Variants in FAM13A observed in about 807,000 individuals in gnomAD.
FAM13A encodes protein FAM13A.
Under a neutral mutation model 129.6 loss-of-function variants are expected in FAM13A, and 76 were observed. The observed-to-expected ratio is 0.59, with a 90% confidence interval of 0.49 to 0.71. The LOEUF (loss-of-function observed/expected upper bound fraction) is 0.71. Among genes scored for constraint, FAM13A ranks in the 30% least tolerant of loss-of-function variants. The pLI is 0.00. For missense variants in FAM13A, 1,108 were observed against 1,249.3 expected (o/e 0.89, Z 1.70); for synonymous variants, 443 against 449.9 (o/e 0.98, Z 0.20).
chr4:89,028,324 C>T (rs1360574836), intron 2 of FAM13A, among the ~76,000 whole-genome samples: 1 of 151,672 alleles, frequency 6.6e-6, no homozygotes, highest in African/African-American at 2.4e-5. Context: ...GAAAACCAAA[C>T]CATGCATAAG....
At chr4:88,965,407 G>A (rs964275221) in intron 4 of FAM13A, among the ~76,000 whole-genome samples, 1 of 152,086 alleles carries the variant, frequency 6.6e-6, no homozygotes, top group Non-Finnish European at 1.5e-5. Flanking sequence ...ACAAAGGTCA[G>A]ACATCGGGAC....
intron 7 of FAM13A, among the ~76,000 whole-genome samples, chr4:88,842,457 T>C (rs1735996556): frequency 2.0e-5 from 3 of 152,252 alleles, no homozygotes; most frequent in Admixed American, 2.0e-4. Context: ...CAAATCCTCT[T>C]TGCTTTTACA....
intron 6 of FAM13A, among the ~76,000 whole-genome samples, chr4:88,900,590 C>T (rs1747133828): frequency 6.6e-6 from 1 of 152,110 alleles, no homozygotes; most frequent in Admixed American, 6.6e-5. Context: ...TGCAGACAAG[C>T]AAATTCCAAG....
intron 1 of FAM13A, chr4:89,029,903 C>T (rs1768466266): frequency 1.5e-5 from 7 of 452,084 alleles, no homozygotes; most frequent in South Asian, 8.2e-5. Flanking sequence ...AATACACTGC[C>T]GTATCTAAGA....
intron 11 of FAM13A, among the ~76,000 whole-genome samples, chr4:88,772,451 A>C (rs1309692176): frequency 2.6e-5 from 4 of 152,188 alleles, no homozygotes; most frequent in Non-Finnish European, 5.9e-5. Context: ...CAGCAACAAT[A>C]CATTTCCCAG....
chr4:88,942,248 G>A (rs140990796), intron 4 of FAM13A, among the ~76,000 whole-genome samples: 18 of 152,284 alleles, frequency 1.2e-4, no homozygotes, highest in African/African-American at 4.1e-4. Context: ...GAGAGAATGG[G>A]ATTGTTATTC....
chr4:88,963,613 T>C (rs1200372429), intron 4 of FAM13A, among the ~76,000 whole-genome samples: 1 of 152,160 alleles, frequency 6.6e-6, no homozygotes, highest in Non-Finnish European at 1.5e-5. Context: ...GAAATCTTTT[T>C]AGTAGGGATG....
intron 7 of FAM13A, among the ~76,000 whole-genome samples, chr4:88,848,449 C>T (rs1275167137): frequency 6.6e-6 from 1 of 152,124 alleles, no homozygotes; most frequent in South Asian, 2.1e-4. Flanking sequence ...ATTTAAAAAC[C>T]CCAGATGAAA....
chr4:88,939,101 A>G (rs1442806873), intron 4 of FAM13A, among the ~76,000 whole-genome samples: 2 of 152,230 alleles, frequency 1.3e-5, no homozygotes, highest in East Asian at 1.9e-4. Flanking sequence ...ACAAATTACC[A>G]TAAACTAAGT....
chr4:88,839,323 AAAAG>A (rs1427657424), intron 7 of FAM13A, among the ~76,000 whole-genome samples: 6 of 152,252 alleles, frequency 3.9e-5, no homozygotes, highest in African/African-American at 1.4e-4. Flanking sequence ...TTATAAAAAT[AAAAG>A]CCAAACCTTA....
At chr4:88,839,342 T>A (rs1283209564) in intron 7 of FAM13A, among the ~76,000 whole-genome samples, 1 of 152,310 alleles carries the variant, frequency 6.6e-6, no homozygotes, top group Non-Finnish European at 1.5e-5. Context: ...ACCTTATTTT[T>A]AAAAATAAAG....
chr4:88,945,752 C>T (rs1273809529), intron 4 of FAM13A, among the ~76,000 whole-genome samples: 2 of 130,472 alleles, frequency 1.5e-5, no homozygotes, highest in Non-Finnish European at 3.2e-5. Flanking sequence ...ATTGCAACCA[C>T]TATTAGTATA....
chr4:89,051,801 C>G (rs59385067), intron 1 of FAM13A, among the ~76,000 whole-genome samples: 51,446 of 152,020 alleles, frequency 0.34, 9,206 homozygotes, highest in Middle Eastern at 0.47. Context: ...TGAAAAAAAT[C>G]CAAAACCCAA....
At chr4:88,956,748 T>C (rs1757808196) in intron 4 of FAM13A, among the ~76,000 whole-genome samples, 1 of 152,158 alleles carries the variant, frequency 6.6e-6, no homozygotes, top group Non-Finnish European at 1.5e-5. Context: ...CTTTCTAGCT[T>C]CTAGAGATCT....
At chr4:88,732,226 A>G in intron 21 of FAM13A, 28 bp from the exon 22 acceptor site, 1 of 1,545,436 alleles carries the variant, frequency 6.5e-7, no homozygotes, top group Non-Finnish European at 8.8e-7. Flanking sequence ...CCCCAATAAA[A>G]ATCTGGTCAC....
chr4:88,871,475 T>C (rs144585857), intron 6 of FAM13A, among the ~76,000 whole-genome samples: 1,913 of 152,258 alleles, frequency 0.013, 35 homozygotes, highest in African/African-American at 0.04. Context: ...CTGAAAACCA[T>C]GGCACAAGAA....
chr4:88,992,860 T>G (rs1307179152), intron 3 of FAM13A, among the ~76,000 whole-genome samples: 1 of 152,214 alleles, frequency 6.6e-6, no homozygotes, highest in African/African-American at 2.4e-5. Flanking sequence ...AATAAAAATG[T>G]AATTCAGTTA....
chr4:88,878,699 G>C (rs2150114989), intron 6 of FAM13A, among the ~76,000 whole-genome samples: 1 of 152,252 alleles, frequency 6.6e-6, no homozygotes, highest in African/African-American at 2.4e-5. Context: ...ACAATATTTA[G>C]TGATTGCCTT....
In FAM13A at chr4:88,826,312, TAAAA is replaced by T. The variant is rs35488589; in HGVS notation, c.1008-21264_1008-21261del. Among the ~76,000 whole-genome samples, 573 of 138,938 alleles carry T rather than the reference TAAAA, an allele frequency of 4.1e-3. 6 individuals carry two copies. The highest frequency in any genetic ancestry group is 0.012 in the African/African-American group (460 of 38,170). 91.1% of individuals were successfully genotyped at this position (138,938 alleles called of 152,430 possible). Reference sequence around the variant, plus strand: ...AATCATACCAACTGGCACGTAGGATTAAAAAAAAAAAAAAAAAAACCATTCCTGA... The same window carrying T: ...AATCATACCAACTGGCACGTAGGATTAAAAAAAAAAAAAAACCATTCCTGA... On this transcript the variant is annotated intron_variant, in intron 7 of 23. Coordinates refer to ENST00000264344, the MANE Select transcript of FAM13A (RefSeq NM_014883.4).
Sources: gnomAD v4.1 joint callset for allele counts (sites outside exome capture counted in the v4.1 genomes callset) on GRCh38, gnomAD v4.1.1 for gene constraint, MANE v1.5 for transcripts, NCBI Gene and HGNC (gene_info 2026-07-23, HGNC 2026-07-21) for gene names.